The following CASZ1 variants were observed in gnomAD, a reference collection of about 807,000 sequenced individuals.
CASZ1 encodes the protein zinc finger protein castor homolog 1.
A neutral mutation model predicts 135.2 loss-of-function variants in CASZ1; 28 were observed. The observed-to-expected ratio is 0.21, with a 90% CI of 0.15 to 0.28. The LOEUF (loss-of-function observed/expected upper bound fraction) is 0.28, where lower values mean the gene tolerates loss of function less well. CASZ1 is among the 10% of genes least tolerant of loss of function. CASZ1 has a pLI of 1.00. For synonymous variants in CASZ1, 1,068 were observed against 1,073.4 expected, an observed-to-expected ratio of 0.99 and a Z score of 0.10; for missense variants, 2,161 against 2,453.3, an observed-to-expected ratio of 0.88 and a Z score of 2.52.
Position 10,653,378 on chromosome 1 carries a change from T to A in CASZ1, c.2679A>T (p.Pro893=). ...CTGGGCAGGACCCAGCCTGCTCACC[T>A]GGGTCAAAGGTGGCAGAGGGCTTGA... ...AALKPSATFD[P]GSGQQVTPAR... is the part of the protein sequence containing the mutation. Residue 893 remains proline, a splice_region_variant and synonymous_variant, in exon 11 of 21, where the codon CCA becomes CCT. Coordinates refer to ENST00000377022, the MANE Select transcript of CASZ1 (RefSeq NM_001079843.3). 2 of 1,613,156 alleles carry A rather than the reference T, an allele frequency of 1.2e-6. No homozygotes were observed. Among genetic ancestry groups the A allele is most frequent in the East Asian group, 4.5e-5 (2 of 44,880 alleles).
chr1:10,703,758 C>T (rs284289), intron 3 of CASZ1, among the ~76,000 whole-genome samples: 148,565 of 152,322 alleles, frequency 0.98, 72,479 homozygotes, highest in East Asian at 1. Flanking sequence ...GAGAGAAAAT[C>T]ATTAACCTTT....
Position 10,739,518 on chromosome 1 carries a change from C to T in CASZ1, c.-77+21183G>A, listed in dbSNP as rs1256182464. ...AGCTGCGCCCACTCAGGCTTCCAGA[C>T]CTTTCCCTGAGCCCTCCGCCCCCCG... On this transcript the variant is annotated intron_variant, in intron 2 of 20. Coordinates refer to ENST00000377022, the MANE Select transcript of CASZ1 (RefSeq NM_001079843.3). The surrounding 1 kb of genome is among the most constrained non-coding windows in gnomAD (Gnocchi z 4.8). Among the ~76,000 whole-genome samples, 3 of 152,172 alleles carry T rather than the reference C, an allele frequency of 2.0e-5. No homozygotes were observed. Among genetic ancestry groups the T allele is most frequent in the Non-Finnish European group, 4.4e-5 (3 of 68,006 alleles).
chr1:10,643,280 G>A lies in CASZ1; in HGVS notation c.3900C>T (p.Phe1300=). Residue 1300 remains phenylalanine, a synonymous_variant, in exon 19 of 21, where the codon TTC becomes TTT. Coordinates refer to ENST00000377022, the MANE Select transcript of CASZ1 (RefSeq NM_001079843.3). ...GCKYNQVNSH[F]HCIREGCQFS... Reference sequence around the variant, plus strand: ...ACTGGCAGCCCTCCCGGATGCAGTGGAAGTGGCTGTTCACCTGGTTGTACT... The same window carrying A: ...ACTGGCAGCCCTCCCGGATGCAGTGAAAGTGGCTGTTCACCTGGTTGTACT... 3.1e-6 allele frequency: 5 copies of A among 1,613,040 alleles called. No homozygotes were observed. The highest frequency in any genetic ancestry group is 4.2e-6 in the Non-Finnish European group (5 of 1,180,010).
chr1:10,693,916 C>T lies in CASZ1; in HGVS notation c.-23-4G>A. On this transcript the variant is annotated splice_region_variant and splice_polypyrimidine_tract_variant and intron_variant, in intron 3 of 20. Coordinates refer to ENST00000377022, the MANE Select transcript of CASZ1 (RefSeq NM_001079843.3). The stretch of plus-strand genomic sequence containing the variant: ...CTCTTCTCCTTGGTCCCAAACTCTT[C>T]GCAGAACGCCACCAGGGGAAGACCG... The T allele has an allele frequency of 3.7e-6, 6 of 1,612,726 alleles. No homozygotes were observed. The highest frequency in any genetic ancestry group is 5.1e-6 in the Non-Finnish European group (6 of 1,179,286).
At chr1:10,680,808 G>GACGCAGCCCCAGTCTTTGGGGAC (rs1638391800) in intron 4 of CASZ1, among the ~76,000 whole-genome samples, 1 of 152,256 alleles carries the variant, frequency 6.6e-6, no homozygotes, top group Non-Finnish European at 1.5e-5. Flanking sequence ...CGGGAAAGCA[G>GACGCAGCCCCAGTCTTTGGGGAC]ACGCAGCCCC....
intron 2 of CASZ1, among the ~76,000 whole-genome samples, chr1:10,714,140 C>G (rs1639334953): frequency 6.6e-6 from 1 of 152,086 alleles, no homozygotes; most frequent in Admixed American, 6.5e-5. Context: ...AACCCCGTCT[C>G]TATGAAAAAT....
chr1:10,728,609 A>G (rs1319103878), intron 2 of CASZ1, among the ~76,000 whole-genome samples: 1 of 151,146 alleles, frequency 6.6e-6, no homozygotes, highest in Non-Finnish European at 1.5e-5. Flanking sequence ...TTATTATTTT[A>G]TTTTTTATTT....
At chr1:10,672,221 C>T (rs1238017618) in intron 4 of CASZ1, among the ~76,000 whole-genome samples, 1 of 142,402 alleles carries the variant, frequency 7.0e-6, no homozygotes, top group African/African-American at 2.6e-5. Flanking sequence ...CCCCCCGCCA[C>T]CCCCTCCCCT....
At chr1:10,773,050 A>G (rs1640603185) in intron 1 of CASZ1, among the ~76,000 whole-genome samples, 1 of 152,002 alleles carries the variant, frequency 6.6e-6, no homozygotes, top group Admixed American at 6.6e-5. Context: ...GGAAGGAAGG[A>G]CCACAGAGAG....
chr1:10,726,215 T>C lies in CASZ1; in HGVS notation c.-76-20671A>G, dbSNP rs189685170. Among the ~76,000 whole-genome samples the C allele has an allele frequency of 1.4e-3, 211 of 152,266 alleles. No individual in the cohort carries two copies. Among genetic ancestry groups the C allele is most frequent in the African/African-American group, 4.9e-3 (202 of 41,542 alleles). ...CCCAGGCAGAGTGAAGTCGGTTTTATAAACCACCTCATTAAACAGCAACAG... is the reference window on the plus strand; with the variant it reads ...CCCAGGCAGAGTGAAGTCGGTTTTACAAACCACCTCATTAAACAGCAACAG... On this transcript the variant is annotated intron_variant, in intron 2 of 20. Coordinates refer to ENST00000377022, the MANE Select transcript of CASZ1 (RefSeq NM_001079843.3). This position sits in a 1 kb window ranked among gnomAD's most constrained non-coding sequence, Gnocchi z 5.7.
rs895166295 is a variant in CASZ1, at chr1:10,776,983, A to G, written c.-233-16126T>C. Among the ~76,000 whole-genome samples the G allele has an allele frequency of 1.3e-5, 2 of 152,100 alleles. No individual in the cohort carries two copies. Among genetic ancestry groups the G allele is most frequent in the Non-Finnish European group, 2.9e-5 (2 of 68,026 alleles). On this transcript the variant is annotated intron_variant, in intron 1 of 20. Transcript: ENST00000377022. The surrounding 1 kb of genome is among the most constrained non-coding windows in gnomAD (Gnocchi z 4.1). ...CTGCAACTGGAGGAAGCATCATTCC[A>G]TGTCTGGAACCGGCCAGCCTCACCC...
chr1:10,792,675 C>T (rs1265321160), intron 1 of CASZ1, among the ~76,000 whole-genome samples: 2 of 151,368 alleles, frequency 1.3e-5, no homozygotes, highest in African/African-American at 2.4e-5. Context: ...TAATTCACTG[C>T]ACCGCCTCCC....
intron 1 of CASZ1, among the ~76,000 whole-genome samples, chr1:10,761,814 G>A (rs1177122084): frequency 6.6e-6 from 1 of 152,216 alleles, no homozygotes; most frequent in African/African-American, 2.4e-5. Flanking sequence ...CGGCCTCGTG[G>A]ATGTGAGAAT....
chr1:10,640,163 C>T (rs1191858384), intron 20 of CASZ1, 104 bp from the exon 21 acceptor site: 3 of 1,486,728 alleles, frequency 2.0e-6, no homozygotes, highest in South Asian at 2.6e-5. Context: ...CGCCAGAGGG[C>T]GGCATTTAGG....
chr1:10,796,500 C>G (rs1430191140), intron 1 of CASZ1, 64 bp downstream of exon 1: 1 of 152,278 alleles, frequency 6.6e-6, no homozygotes, highest in Non-Finnish European at 1.5e-5. Flanking sequence ...GGAGGCGCCC[C>G]GGGAGGCCCG....
chr1:10,773,510 T>C (rs1213916641), intron 1 of CASZ1, among the ~76,000 whole-genome samples: 1 of 151,052 alleles, frequency 6.6e-6, no homozygotes, highest in African/African-American at 2.4e-5. Context: ...GGGAAGGAAA[T>C]GGGCGAGCGG....
chr1:10,793,911 C>T (rs1188479267), intron 1 of CASZ1, among the ~76,000 whole-genome samples: 2 of 152,150 alleles, frequency 1.3e-5, no homozygotes, highest in Non-Finnish European at 2.9e-5. Flanking sequence ...GTGGCGCGGG[C>T]GGCCGGAGAT....
At chr1:10,769,489 T>C (rs983717649) in intron 1 of CASZ1, among the ~76,000 whole-genome samples, 2 of 152,236 alleles carry the variant, frequency 1.3e-5, no homozygotes, top group African/African-American at 2.4e-5. Flanking sequence ...GTGGGAATAG[T>C]CATTATTAAT....
intron 4 of CASZ1, among the ~76,000 whole-genome samples, chr1:10,673,010 A>C (rs1205545650): frequency 1.3e-5 from 2 of 151,834 alleles, no homozygotes; most frequent in African/African-American, 4.8e-5. Flanking sequence ...GGGAAGCCCC[A>C]GAGGAAGGCA....
Sources: gnomAD v4.1 joint callset for allele counts (sites outside exome capture counted in the v4.1 genomes callset) on GRCh38, gnomAD v4.1.1 for gene constraint, Gnocchi (gnomAD v3.1) non-coding constraint, MANE v1.5 for transcripts, NCBI Gene and HGNC (gene_info 2026-07-23, HGNC 2026-07-21) for gene names.